ANXA4: variants seen among roughly 807,000 people sequenced by gnomAD.
The protein encoded by ANXA4 is annexin A4.
Under a neutral mutation model 49.8 loss-of-function variants are expected in ANXA4, and 39 were observed. That is an observed-to-expected ratio of 0.78 (90% CI 0.61 to 1.02). ANXA4 has a LOEUF of 1.02. Among genes scored for constraint, ANXA4 ranks in the 50% least tolerant of loss-of-function variants. The probability of loss-of-function intolerance (pLI) is 0.00; values close to 1 mark genes in which losing one functional copy is unlikely to be tolerated. For synonymous variants in ANXA4, 134 were observed against 152.5 expected (o/e 0.88, Z 0.89); for missense variants, 360 against 410.1 (o/e 0.88, Z 1.05).
intron 8 of ANXA4, among the ~76,000 whole-genome samples, chr2:69,813,754 CTCTCT>C (rs373007141): frequency 0.16 from 21,197 of 130,966 alleles, 1,238 homozygotes; most frequent in East Asian, 0.27. Flanking sequence ...CTCTCTCTCT[CTCTCT>C]TTTTTTTTTT....
At chr2:69,707,840 T>G (rs940280588) in intron 2 of ANXA4, among the ~76,000 whole-genome samples, 3 of 152,218 alleles carry the variant, frequency 2.0e-5, no homozygotes, top group Admixed American at 6.5e-5. Context: ...TTCTATTTTT[T>G]TGTACCCATT....
intron 2 of ANXA4, among the ~76,000 whole-genome samples, chr2:69,704,515 G>A (rs757777529): frequency 3.9e-5 from 6 of 152,140 alleles, no homozygotes; most frequent in African/African-American, 7.2e-5. Flanking sequence ...CTCGATAGAC[G>A]AGAGTGGCTT....
intron 10 of ANXA4, 45 bp from the exon 11 acceptor site, chr2:69,819,235 T>C: frequency 7.2e-7 from 1 of 1,389,444 alleles, no homozygotes; most frequent in Non-Finnish European, 1.0e-6. Context: ...TTTTCATGGG[T>C]CTTATCTGTA....
At chr2:69,705,667 C>T (rs1214973670) in intron 2 of ANXA4, among the ~76,000 whole-genome samples, 2 of 152,188 alleles carry the variant, frequency 1.3e-5, no homozygotes, top group African/African-American at 2.4e-5. Flanking sequence ...AGTGGTGGCT[C>T]ATGACTGTAA....
intron 1 of ANXA4, among the ~76,000 whole-genome samples, chr2:69,647,847 G>A (rs542827753): frequency 7.2e-5 from 11 of 152,214 alleles, no homozygotes; most frequent in African/African-American, 1.4e-4. Flanking sequence ...GTGAGCCACC[G>A]TGCCTGACTG....
At chr2:69,771,366 T>C (rs1285367432) in intron 1 of ANXA4, among the ~76,000 whole-genome samples, 2 of 152,238 alleles carry the variant, frequency 1.3e-5, no homozygotes. Context: ...CAGTTTTGCA[T>C]GGAGCTTGCT....
At chr2:69,698,712 G>T (rs903272522) in intron 2 of ANXA4, among the ~76,000 whole-genome samples, 1 of 152,122 alleles carries the variant, frequency 6.6e-6, no homozygotes, top group African/African-American at 2.4e-5. Context: ...ACTGAGACTC[G>T]ATCATGAGGG....
intron 1 of ANXA4, among the ~76,000 whole-genome samples, chr2:69,778,623 A>C (rs7606026): frequency 0.26 from 39,059 of 151,812 alleles, 5,148 homozygotes; most frequent in East Asian, 0.34. Context: ...TAAAAATACA[A>C]AATTAGCCAG....
At chr2:69,645,898 G>T (rs1573044373) in intron 1 of ANXA4, among the ~76,000 whole-genome samples, 1 of 152,180 alleles carries the variant, frequency 6.6e-6, no homozygotes, top group East Asian at 1.9e-4. Context: ...TTATAGGTGG[G>T]TAAGTAAAGC....
At chr2:69,691,284 C>T (rs1158440803) in intron 2 of ANXA4, among the ~76,000 whole-genome samples, 2 of 151,958 alleles carry the variant, frequency 1.3e-5, no homozygotes, top group Admixed American at 6.6e-5. Flanking sequence ...CTTCCATGCC[C>T]AGCTAATTTT....
chr2:69,750,467 C>T (rs1670792512), intron 1 of ANXA4, among the ~76,000 whole-genome samples: 1 of 152,200 alleles, frequency 6.6e-6, no homozygotes, highest in South Asian at 2.1e-4. Context: ...GGCTGGAGTG[C>T]AGTGGCACAA....
chr2:69,774,861 G>A (rs564395480), intron 1 of ANXA4, among the ~76,000 whole-genome samples: 1 of 152,246 alleles, frequency 6.6e-6, no homozygotes, highest in African/African-American at 2.4e-5. Context: ...CAGTCCACCA[G>A]GCTGGATGTT....
chr2:69,742,434 G>A (rs72903046), intron 1 of ANXA4, among the ~76,000 whole-genome samples: 6,318 of 152,292 alleles, frequency 0.041, 435 homozygotes, highest in African/African-American at 0.14. Flanking sequence ...CCGCTTACAC[G>A]GCTCAGGACG....
At chr2:69,687,522 A>G (rs1394588077) in intron 2 of ANXA4, among the ~76,000 whole-genome samples, 2 of 151,896 alleles carry the variant, frequency 1.3e-5, no homozygotes, top group East Asian at 3.9e-4. Flanking sequence ...AAAAAAAAAG[A>G]TATTTTTGGG....
chr2:69,772,744 C>T (rs769798089), intron 1 of ANXA4, among the ~76,000 whole-genome samples: 10 of 152,106 alleles, frequency 6.6e-5, no homozygotes, highest in Non-Finnish European at 1.2e-4. Flanking sequence ...GGTGGCCAGG[C>T]GCAGTGGCTC....
At chr2:69,747,041 C>T (rs988452850) in intron 1 of ANXA4, among the ~76,000 whole-genome samples, 2 of 151,894 alleles carry the variant, frequency 1.3e-5, no homozygotes, top group Non-Finnish European at 2.9e-5. Context: ...CTCCTCCCCA[C>T]GAAATAACTA....
chr2:69,777,505 T>C (rs1672007588), intron 1 of ANXA4, among the ~76,000 whole-genome samples: 1 of 152,202 alleles, frequency 6.6e-6, no homozygotes, highest in African/African-American at 2.4e-5. Context: ...CTTATTGTTC[T>C]TATCGCTTAC....
chr2:69,653,558 A>G (rs753921120), intron 2 of ANXA4, among the ~76,000 whole-genome samples: 9 of 152,162 alleles, frequency 5.9e-5, no homozygotes, highest in Non-Finnish European at 1.2e-4. Context: ...CAGCCTCCAC[A>G]TACTTCTTAG....
At chr2:69,728,593 T>G (rs1670020905) in intron 3 of ANXA4, among the ~76,000 whole-genome samples, 1 of 152,232 alleles carries the variant, frequency 6.6e-6, no homozygotes, top group African/African-American at 2.4e-5. Flanking sequence ...TCACATGATA[T>G]CCAACTGATC....
Sources: gnomAD v4.1 joint callset for allele counts (sites outside exome capture counted in the v4.1 genomes callset) on GRCh38, gnomAD v4.1.1 for gene constraint, MANE v1.5 for transcripts, NCBI Gene and HGNC (gene_info 2026-07-23, HGNC 2026-07-21) for gene names.